The following TFAP2E variants were observed in gnomAD, a reference collection of about 807,000 sequenced individuals.
TFAP2E encodes transcription factor AP-2-epsilon.
Under a neutral mutation model 37.9 loss-of-function variants are expected in TFAP2E, and 30 were observed. The observed-to-expected ratio is 0.79, with a 90% CI of 0.59 to 1.07. The LOEUF is 1.07. Among genes scored for constraint, TFAP2E ranks in the 50% least tolerant of loss-of-function variants. TFAP2E has a pLI of 0.00. For synonymous variants in TFAP2E, 318 were observed against 295.8 expected (o/e 1.08, Z -0.77); for missense variants, 567 against 637.9 (o/e 0.89, Z 1.20).
At chr1:35,578,990 A>G (rs12564147) in intron 3 of TFAP2E, among the ~76,000 whole-genome samples, 35,346 of 143,016 alleles carry the variant, frequency 0.25, 8,666 homozygotes, top group East Asian at 0.77. Context: ...GGCTGAGGCA[A>G]GAGAATTGCT....
At chr1:35,581,930 C>G (rs1289105915) in intron 3 of TFAP2E, among the ~76,000 whole-genome samples, 2 of 150,652 alleles carry the variant, frequency 1.3e-5, no homozygotes, top group Non-Finnish European at 3.0e-5. Context: ...GGCTGGAGTG[C>G]AGTGGCACAA....
rs907127330 is a variant in TFAP2E, at chr1:35,588,134, G to A, written c.563-196G>A. On this transcript the variant is annotated intron_variant, in intron 3 of 6. Transcript: ENST00000373235. The surrounding 1 kb of genome is among the most constrained non-coding windows in gnomAD (Gnocchi z 5.1). ...ATAGGACCAGCCTGGTTCAGTGAGG[G>A]GGACACAGATTCAAGAGCCAGACAA... Among the ~76,000 whole-genome samples the A allele has an allele frequency of 6.6e-6, 1 of 152,148 alleles. No homozygotes were observed. The highest frequency in any genetic ancestry group is 2.4e-5 in the African/African-American group (1 of 41,418).
intron 3 of TFAP2E, among the ~76,000 whole-genome samples, chr1:35,587,166 C>T (rs1344437473): frequency 6.6e-6 from 1 of 152,146 alleles, no homozygotes. Flanking sequence ...GATGTACACA[C>T]GAGGCCTTGT....
chr1:35,590,196 T>C lies in TFAP2E; in HGVS notation c.904+148T>C, dbSNP rs1649618021. 2 of 763,548 alleles carry C rather than the reference T, an allele frequency of 2.6e-6. No homozygotes were observed. Among genetic ancestry groups the C allele is most frequent in the Non-Finnish European group, 2.2e-6 (1 of 451,508 alleles). The allele number at this position is 763,548 out of a possible 1,614,324, so 47.3% of individuals were successfully genotyped here. ...GTATCTGTGTGCGTATTCTCTGTCA[T>C]GTATAAGGTGTGTTTGTGATTTCTG... On this transcript the variant is annotated intron_variant, in intron 5 of 6. Coordinates refer to ENST00000373235, the MANE Select transcript of TFAP2E (RefSeq NM_178548.4). This position sits in a 1 kb window ranked among gnomAD's most constrained non-coding sequence, Gnocchi z 6.2.
chr1:35,586,031 A>C (rs1329582390), intron 3 of TFAP2E, among the ~76,000 whole-genome samples: 1 of 148,228 alleles, frequency 6.7e-6, no homozygotes, highest in African/African-American at 2.6e-5. Flanking sequence ...CCTGGGCAAC[A>C]GAGCAAGACC....
Position 35,574,364 on chromosome 1 carries a change from C to G in TFAP2E, c.465C>G (p.Leu155=). 1 of 1,445,604 alleles carries G rather than the reference C, an allele frequency of 6.9e-7. No homozygotes were observed. Among genetic ancestry groups the G allele is most frequent in the Non-Finnish European group, 9.0e-7 (1 of 1,112,522 alleles). The allele number at this position is 1,445,604 out of a possible 1,614,324, so 89.5% of individuals were successfully genotyped here. The change falls in exon 2 of 7, where the codon CTC becomes CTG. Residue 155 remains leucine, a synonymous_variant. Coordinates refer to ENST00000373235, the MANE Select transcript of TFAP2E (RefSeq NM_178548.4). The stretch of plus-strand genomic sequence containing the variant: ...CGCACGGCCTGGCAGACGCACCTCT[C>G]GGCCTTCCGGGGCTGGCGGCGGCCC... The part of the protein sequence containing the change: ...DGAHGLADAP[L]GLPGLAAAPG...
Position 35,588,696 on chromosome 1 carries a change from G to A in TFAP2E, c.785+144G>A, listed in dbSNP as rs1649562719. 1 of 874,554 alleles carries A rather than the reference G, an allele frequency of 1.1e-6. No homozygotes were observed. Among genetic ancestry groups the A allele is most frequent in the Admixed American group, 3.0e-5 (1 of 33,286 alleles). The allele number at this position is 874,554 out of a possible 1,614,324, so 54.2% of individuals were successfully genotyped here. A position where few individuals can be genotyped will look rare whatever the true frequency, so the allele number is the denominator to read the frequency against. On this transcript the variant is annotated intron_variant, in intron 4 of 6. Transcript: ENST00000373235. This position sits in a 1 kb window ranked among gnomAD's most constrained non-coding sequence, Gnocchi z 5.1. Reference sequence around the variant, plus strand: ...GGGGAGGCCCCGGGGACTCTGGATTGTGCATGTTGTGGGGGCCGGCCCAGG... The same window carrying A: ...GGGGAGGCCCCGGGGACTCTGGATTATGCATGTTGTGGGGGCCGGCCCAGG...
chr1:35,592,984 A>G (rs1649732776), intron 6 of TFAP2E, among the ~76,000 whole-genome samples: 3 of 152,170 alleles, frequency 2.0e-5, no homozygotes. Flanking sequence ...GAACATAAGC[A>G]TTCACACCAT....
chr1:35,579,079 CAAAAAAAAAA>C (rs578084271), intron 3 of TFAP2E, among the ~76,000 whole-genome samples: 60 of 16,860 alleles, frequency 3.6e-3, no homozygotes, highest in South Asian at 7.6e-3. Flanking sequence ...GAGACTATCT[CAAAAAAAAAA>C]AAAAAAAAAA....
chr1:35,593,801 T>C (rs1164611995), intron 6 of TFAP2E, among the ~76,000 whole-genome samples: 1 of 152,220 alleles, frequency 6.6e-6, no homozygotes, highest in Non-Finnish European at 1.5e-5. Flanking sequence ...GAATAATGAA[T>C]GGCTGCAAAC....
intron 3 of TFAP2E, among the ~76,000 whole-genome samples, chr1:35,578,065 C>G (rs1649235279): frequency 6.6e-6 from 1 of 151,978 alleles, no homozygotes; most frequent in Admixed American, 6.6e-5. Flanking sequence ...GGAGAGTGCC[C>G]GAGGTTGGGT....
At position 35,585,040 on chromosome 1, in the gene TFAP2E, G is replaced by A. The variant is rs117375714; in HGVS notation, c.563-3290G>A. 8.0e-3 allele frequency among the ~76,000 whole-genome samples: 1,220 copies of A among 152,164 alleles called. 21 individuals carry two copies. Among genetic ancestry groups the A allele is most frequent in the Admixed American group, 0.035 (535 of 15,266 alleles). The stretch of plus-strand genomic sequence containing the variant: ...GAAACAGACCAGGAAGGTTCAGTGC[G>A]GTAAGGCCAGGGATGGGGGTGAGAG... On this transcript the variant is annotated intron_variant, in intron 3 of 6. Transcript: ENST00000373235.
rs564463957 is a variant in TFAP2E at position 35,577,368 on chromosome 1, A to C, written c.562+2368A>C. 2.2e-6 allele frequency: 1 copy of C among 456,740 alleles called. No individual in the cohort carries two copies. The highest frequency in any genetic ancestry group is 7.0e-5 in the East Asian group (1 of 14,384). 28.3% of individuals were successfully genotyped at this position (456,740 alleles called of 1,614,324 possible). On this transcript the variant is annotated intron_variant, in intron 3 of 6. Coordinates refer to ENST00000373235, the MANE Select transcript of TFAP2E (RefSeq NM_178548.4). The surrounding 1 kb of genome is among the most constrained non-coding windows in gnomAD (Gnocchi z 6.3). ...CGGGATTCGGCGTTGCCGCCAGCCC[A>C]GTGGGGAGTGAATTAGCGCCCTCCT...
At position 35,573,558 on chromosome 1, in the gene TFAP2E, C is replaced by T. The variant is rs1262327812; in HGVS notation, c.-20C>T. 9 of 1,522,896 alleles carry T rather than the reference C, an allele frequency of 5.9e-6. No individual in the cohort carries two copies. The Admixed American group carries it at 1.0e-4, about 18-fold the overall frequency. 94.3% of individuals were successfully genotyped at this position (1,522,896 alleles called of 1,614,324 possible). Reference sequence around the variant, plus strand: ...AGGGCTCCGCCGCCGCCACGCCTCGCGCCCGGCACTCACCGCCCCATGCTG... The same window carrying T: ...AGGGCTCCGCCGCCGCCACGCCTCGTGCCCGGCACTCACCGCCCCATGCTG... On this transcript the variant is annotated 5_prime_UTR_variant, in exon 1 of 7. Coordinates refer to ENST00000373235, the MANE Select transcript of TFAP2E (RefSeq NM_178548.4). The surrounding 1 kb of genome is among the most constrained non-coding windows in gnomAD (Gnocchi z 5.9).
chr1:35,574,269 C>A lies in TFAP2E; in HGVS notation c.370C>A (p.Leu124Met). ...PGLLAPPARA[L>M]GLDPRRDYAT... Reference sequence around the variant, plus strand: ...CCTGCTGGCACCGCCCGCCCGCGCCCTGGGCCTTGACCCGCGCCGTGACTA... The same window carrying A: ...CCTGCTGGCACCGCCCGCCCGCGCCATGGGCCTTGACCCGCGCCGTGACTA... The change falls in exon 2 of 7, where the codon CTG (leucine) becomes ATG (methionine). Residue 124 changes from leucine (L) to methionine (M), a missense_variant. Physicochemically the swap from Leu to Met is conservative, Grantham distance 15 (BLOSUM62 2). This residue lies in a region of TFAP2E where 312 missense variants were observed against 317.4 expected (regional missense o/e 0.98). Transcript: ENST00000373235. 2 of 1,385,384 alleles carry A rather than the reference C, an allele frequency of 1.4e-6. No homozygotes were observed. The highest frequency in any genetic ancestry group is 2.9e-5 in the Admixed American group (1 of 34,432). The allele number at this position is 1,385,384 out of a possible 1,614,324, so 85.8% of individuals were successfully genotyped here.
At chr1:35,583,360 T>TAC (rs1301644723) in intron 3 of TFAP2E, among the ~76,000 whole-genome samples, 1 of 152,086 alleles carries the variant, frequency 6.6e-6, no homozygotes, top group Non-Finnish European at 1.5e-5. Flanking sequence ...TCCAGGCTGG[T>TAC]CTCAAACTCC....
intron 6 of TFAP2E, among the ~76,000 whole-genome samples, chr1:35,592,943 T>C (rs79671779): frequency 0.039 from 5,868 of 152,180 alleles, 355 homozygotes; most frequent in African/African-American, 0.12. Context: ...TATCACCTAG[T>C]GGGGTAGAAT....
At chr1:35,574,690 A>G (rs1395107596) in intron 2 of TFAP2E, 2 of 641,258 alleles carry the variant, frequency 3.1e-6, no homozygotes, top group Non-Finnish European at 5.3e-6. Context: ...TCCATGGGGC[A>G]GCCTGCACCT....
chr1:35,591,691 GT>G (rs1255654106), intron 6 of TFAP2E, among the ~76,000 whole-genome samples: 3 of 152,180 alleles, frequency 2.0e-5, no homozygotes, highest in Admixed American at 6.5e-5. Flanking sequence ...ATTTAGTTTT[GT>G]TTTTGTTTTT....
Sources: gnomAD v4.1 joint callset for allele counts (sites outside exome capture counted in the v4.1 genomes callset) on GRCh38, gnomAD v4.1.1 for gene constraint, gnomAD v4.1.1 regional missense constraint, Gnocchi (gnomAD v3.1) non-coding constraint, MANE v1.5 for transcripts, NCBI Gene and HGNC (gene_info 2026-07-23, HGNC 2026-07-21) for gene names.